The following AFAP1 variants were observed in gnomAD, a reference collection of about 807,000 sequenced individuals.
AFAP1 encodes the protein actin filament associated protein 1, also known as actin filament-associated protein 1.
In AFAP1, 75 loss-of-function variants were observed where a neutral mutation model predicts 93.9. The ratio of observed to expected loss-of-function variants is 0.80; its 90% CI spans 0.66 to 0.97. AFAP1 has a LOEUF of 0.97. Among genes scored for constraint, AFAP1 ranks in the 50% least tolerant of loss-of-function variants. The pLI, the probability that AFAP1 is intolerant of heterozygous loss-of-function variation, is 0.00. For synonymous variants in AFAP1, 517 were observed against 430.7 expected, an observed-to-expected ratio of 1.20 and a Z score of -2.48; for missense variants, 1,201 against 1,050.8, an observed-to-expected ratio of 1.14 and a Z score of -1.98.
At chr4:7,786,817 A>G in intron 11 of AFAP1, among the ~76,000 whole-genome samples, 1 of 152,246 alleles carries the variant, frequency 6.6e-6, no homozygotes, top group African/African-American at 2.4e-5. Context: ...ATGGCCTGCA[A>G]AGCTGAAAGT....
At chr4:7,800,352 A>G in intron 10 of AFAP1, 90 bp downstream of exon 10, 1 of 1,377,940 alleles carries the variant, frequency 7.3e-7, no homozygotes, top group Non-Finnish European at 1.0e-6. Context: ...GATGGGAGGA[A>G]TTTTGATAGA....
chr4:7,939,735 C>T lies in AFAP1; in HGVS notation c.-82G>A, dbSNP rs1158955540. The T allele has an allele frequency of 9.7e-6, 4 of 411,808 alleles. No homozygotes were observed. The highest frequency in any genetic ancestry group is 1.4e-5 in the Non-Finnish European group (3 of 208,818). 25.5% of individuals were successfully genotyped at this position (411,808 alleles called of 1,614,324 possible). ...GAGCGCAGCTGAACAGCCGACAGAG[C>T]CGCAGCCGCCTTAACAATGGAGCCC... On this transcript the variant is annotated 5_prime_UTR_variant, in exon 1 of 18. Transcript: ENST00000420658. This position sits in a 1 kb window ranked among gnomAD's most constrained non-coding sequence, Gnocchi z 5.6.
chr4:7,777,801 C>T (rs1488954550), intron 14 of AFAP1: 1 of 152,230 alleles, frequency 6.6e-6, no homozygotes, highest in African/African-American at 2.4e-5. Context: ...CTGTAAATCC[C>T]CACACTGCAG....
intron 9 of AFAP1, among the ~76,000 whole-genome samples, chr4:7,806,579 A>C (rs1719535293): frequency 6.6e-6 from 1 of 152,170 alleles, no homozygotes; most frequent in Non-Finnish European, 1.5e-5. Flanking sequence ...TCAACTTGGC[A>C]GGCTCAGTCT....
intron 8 of AFAP1, 50 bp from the exon 9 acceptor site, chr4:7,809,813 A>T: frequency 6.4e-7 from 1 of 1,560,494 alleles, no homozygotes; most frequent in Non-Finnish European, 8.6e-7. Flanking sequence ...GTAGATATTA[A>T]TTGAAAAAAA....
chr4:7,874,488 T>C (rs1251672041), intron 1 of AFAP1, among the ~76,000 whole-genome samples: 3 of 144,254 alleles, frequency 2.1e-5, no homozygotes, highest in Non-Finnish European at 4.5e-5. Flanking sequence ...CTCAGCCTCC[T>C]GAGCAGCTGG....
intron 8 of AFAP1, among the ~76,000 whole-genome samples, chr4:7,814,784 G>C (rs985893760): frequency 3.3e-5 from 5 of 152,222 alleles, no homozygotes; most frequent in Admixed American, 6.5e-5. Context: ...AAGAGCACAG[G>C]GGCTGGGGGG....
intron 9 of AFAP1, among the ~76,000 whole-genome samples, chr4:7,804,529 A>C (rs1194642683): frequency 1.3e-5 from 2 of 152,212 alleles, no homozygotes; most frequent in Non-Finnish European, 2.9e-5. Flanking sequence ...AACAAACAAA[A>C]AATACAGATG....
chr4:7,822,071 A>ACCTACCT (rs1181901771), intron 6 of AFAP1, among the ~76,000 whole-genome samples: 1 of 147,238 alleles, frequency 6.8e-6, no homozygotes, highest in Non-Finnish European at 1.5e-5. Flanking sequence ...TTACTCCCTC[A>ACCTACCT]CCTACCCTAA....
At chr4:7,768,673 C>A (rs1714965011) in intron 17 of AFAP1, among the ~76,000 whole-genome samples, 171 bp downstream of exon 17, 1 of 152,162 alleles carries the variant, frequency 6.6e-6, no homozygotes, top group Non-Finnish European at 1.5e-5. Context: ...CTAACAGGAT[C>A]TGCGGGGTGG....
At chr4:7,826,575 A>C (rs574728396) in intron 6 of AFAP1, among the ~76,000 whole-genome samples, 1 of 152,278 alleles carries the variant, frequency 6.6e-6, no homozygotes, top group Non-Finnish European at 1.5e-5. Flanking sequence ...CTGGTTTAGA[A>C]AGCTGGCACT....
At chr4:7,873,686 A>C (rs759001385) in intron 1 of AFAP1, among the ~76,000 whole-genome samples, 9 of 152,014 alleles carry the variant, frequency 5.9e-5, no homozygotes, top group Admixed American at 2.0e-4. Flanking sequence ...ATGACATGGG[A>C]AGCACGCATG....
intron 1 of AFAP1, among the ~76,000 whole-genome samples, chr4:7,918,440 C>G (rs1424273404): frequency 6.9e-6 from 1 of 144,836 alleles, no homozygotes; most frequent in Non-Finnish European, 1.5e-5. Flanking sequence ...GGAAGAGACA[C>G]TCGGCCCAGG....
chr4:7,814,789 G>C (rs900206658), intron 8 of AFAP1, among the ~76,000 whole-genome samples: 1 of 152,236 alleles, frequency 6.6e-6, no homozygotes, highest in Non-Finnish European at 1.5e-5. Context: ...CACAGGGGCT[G>C]GGGGGTTAGA....
chr4:7,864,093 CCA>C (rs1716094637), intron 3 of AFAP1, among the ~76,000 whole-genome samples: 1 of 6,520 alleles, frequency 1.5e-4, no homozygotes, highest in African/African-American at 4.9e-4. Context: ...CCATCACAAC[CCA>C]TTCCCAACTT....
chr4:7,824,674 C>T (rs1045964606), intron 6 of AFAP1, among the ~76,000 whole-genome samples: 2 of 152,126 alleles, frequency 1.3e-5, no homozygotes, highest in Non-Finnish European at 2.9e-5. Context: ...CACATGTTCT[C>T]ACTCATGTGG....
At chr4:7,814,846 T>G (rs938560671) in intron 8 of AFAP1, among the ~76,000 whole-genome samples, 3 of 152,014 alleles carry the variant, frequency 2.0e-5, no homozygotes, top group Non-Finnish European at 4.4e-5. Flanking sequence ...TGCCTGTCAG[T>G]GTTTGTCAAA....
intron 1 of AFAP1, among the ~76,000 whole-genome samples, chr4:7,892,350 A>G (rs138673650): frequency 6.5e-4 from 99 of 152,314 alleles, no homozygotes; most frequent in Non-Finnish European, 5.1e-4. Flanking sequence ...AGAGTGACAG[A>G]TGGGCTCCTG....
At chr4:7,785,485 T>C (rs949508034) in intron 12 of AFAP1, among the ~76,000 whole-genome samples, 6 of 152,196 alleles carry the variant, frequency 3.9e-5, no homozygotes, top group Non-Finnish European at 8.8e-5. Flanking sequence ...ATCATTTCCT[T>C]CCTGAGGGGA....
Sources: allele counts gnomAD v4.1 joint callset (sites outside exome capture counted in the v4.1 genomes callset), GRCh38; gene constraint gnomAD v4.1.1; non-coding constraint Gnocchi (gnomAD v3.1); transcripts MANE v1.5; gene names NCBI Gene and HGNC (gene_info 2026-07-23, HGNC 2026-07-21).